The following FAM13A variants were observed in gnomAD, a reference collection of about 807,000 sequenced individuals.
FAM13A encodes family with sequence similarity 13 member A.
FAM13A carries 76 observed loss-of-function variants against 129.6 expected under a neutral mutation model. That is an observed-to-expected ratio of 0.59 (90% CI 0.49 to 0.71). The LOEUF (loss-of-function observed/expected upper bound fraction) is 0.71. FAM13A is among the 30% of genes least tolerant of loss of function. The pLI is 0.00. For missense variants in FAM13A, 1,108 were observed against 1,249.3 expected, an observed-to-expected ratio of 0.89 and a Z score of 1.70; for synonymous variants, 443 against 449.9, an observed-to-expected ratio of 0.98 and a Z score of 0.20.
At chr4:88,767,750 TAATC>T (rs544919003) in intron 12 of FAM13A, among the ~76,000 whole-genome samples, 155 bp from the exon 13 acceptor site, 33 of 152,286 alleles carry the variant, frequency 2.2e-4, no homozygotes, top group Admixed American at 7.2e-4. Flanking sequence ...AACAAAAAAT[TAATC>T]AAAACAAAGC....
chr4:88,759,954 T>C (rs1744463573), intron 13 of FAM13A, among the ~76,000 whole-genome samples: 1 of 152,252 alleles, frequency 6.6e-6, no homozygotes, highest in Admixed American at 6.5e-5. Flanking sequence ...ATGAAACAGT[T>C]TGCTCACAAA....
intron 8 of FAM13A, among the ~76,000 whole-genome samples, chr4:88,804,147 G>A (rs1055327009): frequency 2.0e-5 from 3 of 151,986 alleles, no homozygotes; most frequent in African/African-American, 7.2e-5. Context: ...CCAGCTACTC[G>A]GGAGGCTGAG....
chr4:88,978,537 G>A (rs1029210569), intron 4 of FAM13A, among the ~76,000 whole-genome samples: 2 of 152,228 alleles, frequency 1.3e-5, no homozygotes, highest in Admixed American at 6.5e-5. Flanking sequence ...GCTCAGGCCT[G>A]TAATCCCAGC....
intron 7 of FAM13A, among the ~76,000 whole-genome samples, chr4:88,844,591 T>C (rs1736348235): frequency 6.6e-6 from 1 of 152,162 alleles, no homozygotes; most frequent in Non-Finnish European, 1.5e-5. Context: ...GGAACCAAGA[T>C]AGTCCTGGAA....
intron 6 of FAM13A, among the ~76,000 whole-genome samples, chr4:88,891,304 G>C (rs1274316289): frequency 6.6e-6 from 1 of 152,112 alleles, no homozygotes; most frequent in Non-Finnish European, 1.5e-5. Flanking sequence ...CATGCCTATA[G>C]TTCCAGCTAC....
At chr4:89,016,117 G>A (rs1462787198) in intron 3 of FAM13A, among the ~76,000 whole-genome samples, 1 of 151,552 alleles carries the variant, frequency 6.6e-6, no homozygotes, top group Admixed American at 6.6e-5. Context: ...AAGATATGGA[G>A]GTGGAAGGTA....
chr4:88,766,471 AG>A (rs1745723946), intron 13 of FAM13A, among the ~76,000 whole-genome samples: 1 of 152,198 alleles, frequency 6.6e-6, no homozygotes, highest in Non-Finnish European at 1.5e-5. Context: ...CTGGTGAAGA[AG>A]TATATATAGG....
chr4:88,750,048 T>G, intron 15 of FAM13A, 139 bp from the exon 16 acceptor site: 1 of 778,542 alleles, frequency 1.3e-6, no homozygotes, highest in Non-Finnish European at 2.1e-6. Context: ...TCTCTCCTCT[T>G]GAATAAAAGA....
At chr4:88,911,389 A>C (rs749815505) in intron 5 of FAM13A, among the ~76,000 whole-genome samples, 11 of 152,238 alleles carry the variant, frequency 7.2e-5, no homozygotes, top group Non-Finnish European at 1.5e-4. Flanking sequence ...GCCCTCCCTC[A>C]TGTACAGCAA....
chr4:88,892,548 G>A (rs1241742557), intron 6 of FAM13A, among the ~76,000 whole-genome samples: 3 of 152,164 alleles, frequency 2.0e-5, no homozygotes, highest in Non-Finnish European at 2.9e-5. Flanking sequence ...CAAAATAAAA[G>A]TAGCAGTTGA....
intron 7 of FAM13A, among the ~76,000 whole-genome samples, chr4:88,805,543 C>G (rs1190510519): frequency 6.6e-6 from 1 of 152,156 alleles, no homozygotes; most frequent in Non-Finnish European, 1.5e-5. Context: ...GGCTCTTTGT[C>G]CTTCTGTAGT....
chr4:88,857,247 C>A (rs974277964), intron 6 of FAM13A, among the ~76,000 whole-genome samples: 30 of 152,094 alleles, frequency 2.0e-4, no homozygotes, highest in African/African-American at 6.8e-4. Context: ...AGTTTTAGAG[C>A]AAGTCTGTAT....
intron 7 of FAM13A, among the ~76,000 whole-genome samples, chr4:88,822,802 A>G (rs72872103): frequency 0.013 from 1,976 of 152,364 alleles, 51 homozygotes; most frequent in African/African-American, 0.045. Context: ...AAATGTCAGT[A>G]AAAGAGCAGT....
chr4:89,024,284 T>G (rs1767645420), intron 2 of FAM13A, among the ~76,000 whole-genome samples: 1 of 152,178 alleles, frequency 6.6e-6, no homozygotes, highest in Non-Finnish European at 1.5e-5. Context: ...GACTCTACAC[T>G]GTAGGTTAAA....
chr4:88,959,068 C>T (rs565779109), intron 4 of FAM13A, among the ~76,000 whole-genome samples: 1 of 152,292 alleles, frequency 6.6e-6, no homozygotes. Context: ...AATGCATATA[C>T]CCCATTGTAT....
intron 9 of FAM13A, among the ~76,000 whole-genome samples, chr4:88,790,267 T>C (rs140778977): frequency 1.4e-4 from 22 of 152,226 alleles, no homozygotes; most frequent in Middle Eastern, 3.4e-3. Flanking sequence ...AATTACATTA[T>C]CCATTGCAAG....
intron 10 of FAM13A, among the ~76,000 whole-genome samples, chr4:88,782,759 A>G (rs1484410397): frequency 6.6e-6 from 1 of 152,172 alleles, no homozygotes; most frequent in African/African-American, 2.4e-5. Context: ...AAAGTAATTG[A>G]AGACAGGAGG....
intron 3 of FAM13A, among the ~76,000 whole-genome samples, chr4:89,004,815 G>A (rs1428933337): frequency 6.6e-6 from 1 of 152,080 alleles, no homozygotes; most frequent in Non-Finnish European, 1.5e-5. Flanking sequence ...TTAAAAATAT[G>A]GAAGCCCATG....
At chr4:88,890,778 A>G (rs145908506) in intron 6 of FAM13A, among the ~76,000 whole-genome samples, 40 of 152,326 alleles carry the variant, frequency 2.6e-4, no homozygotes, top group Non-Finnish European at 1.5e-4. Context: ...GGAGCAAAAA[A>G]GAGAAGGTCT....
Sources: allele counts gnomAD v4.1 joint callset (sites outside exome capture counted in the v4.1 genomes callset), GRCh38; gene constraint gnomAD v4.1.1; transcripts MANE v1.5; gene names NCBI Gene and HGNC (gene_info 2026-07-23, HGNC 2026-07-21).